ZNF804A: variants seen among roughly 807,000 people sequenced by gnomAD.
The protein encoded by ZNF804A is zinc finger protein 804A.
Under a neutral mutation model 16.5 loss-of-function variants are expected in ZNF804A, and 2 were observed. The ratio of observed to expected loss-of-function variants is 0.12; its 90% CI spans 0.05 to 0.38. ZNF804A has a LOEUF of 0.38. Ranked by LOEUF, ZNF804A falls within the 10% of genes least tolerant of loss-of-function variation. The pLI is 0.99. For synonymous variants in ZNF804A, 534 were observed against 489.6 expected, an observed-to-expected ratio of 1.09 and a Z score of -1.20; for missense variants, 1,473 against 1,390.7, an observed-to-expected ratio of 1.06 and a Z score of -0.94.
intron 1 of ZNF804A, among the ~76,000 whole-genome samples, chr2:184,792,771 T>C (rs1285937582): frequency 6.7e-6 from 1 of 149,732 alleles, no homozygotes; most frequent in Non-Finnish European, 1.5e-5. Flanking sequence ...GGAGTTTTTC[T>C]TTTTTTTTCC....
chr2:184,776,954 G>A (rs1473935776), intron 1 of ZNF804A, among the ~76,000 whole-genome samples: 2 of 151,508 alleles, frequency 1.3e-5, no homozygotes, highest in Admixed American at 1.3e-4. Flanking sequence ...TAGCATGTAA[G>A]GCATTTATCT....
At chr2:184,865,442 G>C (rs1695865441) in intron 1 of ZNF804A, among the ~76,000 whole-genome samples, 1 of 151,998 alleles carries the variant, frequency 6.6e-6, no homozygotes, top group Non-Finnish European at 1.5e-5. Context: ...GAAGGAGAAG[G>C]GGAACCAACA....
intron 2 of ZNF804A, among the ~76,000 whole-genome samples, chr2:184,878,993 T>A (rs868782236): frequency 7.9e-5 from 12 of 152,126 alleles, no homozygotes; most frequent in Admixed American, 3.3e-4. Flanking sequence ...GAACTACACT[T>A]AGAAGTCATC....
At chr2:184,603,760 C>T (rs1440966755) in intron 1 of ZNF804A, among the ~76,000 whole-genome samples, 2 of 152,124 alleles carry the variant, frequency 1.3e-5, no homozygotes, top group Non-Finnish European at 2.9e-5. Context: ...TTCACACAAG[C>T]AGTCCAATTA....
chr2:184,889,992 C>A (rs894574337), intron 2 of ZNF804A, among the ~76,000 whole-genome samples: 1 of 151,918 alleles, frequency 6.6e-6, no homozygotes, highest in Non-Finnish European at 1.5e-5. Flanking sequence ...TTTACTTAGT[C>A]CAGGATAACT....
intron 1 of ZNF804A, among the ~76,000 whole-genome samples, chr2:184,655,103 T>C (rs1343499822): frequency 6.6e-6 from 1 of 152,242 alleles, no homozygotes; most frequent in African/African-American, 2.4e-5. Context: ...GAGTTAGTGA[T>C]GCATTTCTTA....
chr2:184,926,460 T>C (rs1685614712), intron 2 of ZNF804A, among the ~76,000 whole-genome samples: 1 of 152,052 alleles, frequency 6.6e-6, no homozygotes, highest in Non-Finnish European at 1.5e-5. Flanking sequence ...GGGAGTTTGA[T>C]TATTAAATGC....
At chr2:184,780,388 T>G (rs557446592) in intron 1 of ZNF804A, among the ~76,000 whole-genome samples, 1 of 151,944 alleles carries the variant, frequency 6.6e-6, no homozygotes, top group Non-Finnish European at 1.5e-5. Context: ...TTAAAAAAAT[T>G]ATGGTAAAAT....
At chr2:184,647,610 A>G (rs558764335) in intron 1 of ZNF804A, among the ~76,000 whole-genome samples, 42 of 152,344 alleles carry the variant, frequency 2.8e-4, no homozygotes, top group Non-Finnish European at 4.1e-4. Context: ...ATAAAGATTT[A>G]TCAACAGATT....
chr2:184,805,265 A>G (rs1039091254), intron 1 of ZNF804A, among the ~76,000 whole-genome samples: 3 of 152,280 alleles, frequency 2.0e-5, no homozygotes, highest in African/African-American at 4.8e-5. Flanking sequence ...TAGGTGTGAA[A>G]TATCTGTATC....
At chr2:184,600,779 C>T (rs183643791) in intron 1 of ZNF804A, among the ~76,000 whole-genome samples, 3 of 152,220 alleles carry the variant, frequency 2.0e-5, no homozygotes, top group Admixed American at 6.5e-5. Context: ...TAGGTTCTAA[C>T]AATAGTTGAA....
At chr2:184,829,869 C>G (rs1695230572) in intron 1 of ZNF804A, among the ~76,000 whole-genome samples, 1 of 123,062 alleles carries the variant, frequency 8.1e-6, no homozygotes, top group African/African-American at 3.2e-5. Flanking sequence ...CGAGATCAAC[C>G]AGGGCAACAT....
chr2:184,631,919 A>T (rs1467049053), intron 1 of ZNF804A, among the ~76,000 whole-genome samples: 1 of 152,188 alleles, frequency 6.6e-6, no homozygotes, highest in African/African-American at 2.4e-5. Flanking sequence ...GAAGTTGGGG[A>T]TCAAACAGAA....
chr2:184,765,222 C>T (rs1485058031), intron 1 of ZNF804A, among the ~76,000 whole-genome samples: 1 of 152,120 alleles, frequency 6.6e-6, no homozygotes, highest in Non-Finnish European at 1.5e-5. Context: ...ACTTCAGTAG[C>T]ATATTAGTGA....
At chr2:184,891,960 A>T (rs1227438542) in intron 2 of ZNF804A, among the ~76,000 whole-genome samples, 1 of 152,180 alleles carries the variant, frequency 6.6e-6, no homozygotes, top group East Asian at 1.9e-4. Flanking sequence ...AACTGCTTGT[A>T]TTAGAAAAAT....
At chr2:184,807,478 C>A (rs1414755182) in intron 1 of ZNF804A, among the ~76,000 whole-genome samples, 1 of 151,726 alleles carries the variant, frequency 6.6e-6, no homozygotes, top group Non-Finnish European at 1.5e-5. Context: ...AAAAATCATT[C>A]TCAGCATGAA....
At chr2:184,903,353 G>A (rs997312721) in intron 2 of ZNF804A, among the ~76,000 whole-genome samples, 5 of 152,052 alleles carry the variant, frequency 3.3e-5, no homozygotes. Context: ...CCGTTTCTAT[G>A]TTTAAGTATG....
chr2:184,628,993 T>G (rs1277924820), intron 1 of ZNF804A, among the ~76,000 whole-genome samples: 3 of 152,166 alleles, frequency 2.0e-5, no homozygotes, highest in Non-Finnish European at 4.4e-5. Context: ...TTATACCTTT[T>G]TTCATTCTCT....
chr2:184,622,404 A>T (rs1236343982), intron 1 of ZNF804A, among the ~76,000 whole-genome samples: 1 of 151,678 alleles, frequency 6.6e-6, no homozygotes, highest in African/African-American at 2.4e-5. Context: ...CAATGTTCTG[A>T]TCACCCAAGA....
Sources: gnomAD v4.1 joint callset for allele counts (sites outside exome capture counted in the v4.1 genomes callset) on GRCh38, gnomAD v4.1.1 for gene constraint, MANE v1.5 for transcripts, NCBI Gene and HGNC (gene_info 2026-07-23, HGNC 2026-07-21) for gene names.